The following TOX variants were observed in gnomAD, a reference collection of about 807,000 sequenced individuals.
The protein encoded by TOX is thymocyte selection associated high mobility group box, also known as thymocyte selection-associated high mobility group box protein TOX.
In TOX, 11 loss-of-function variants were observed where a neutral mutation model predicts 53.7. That is an observed-to-expected ratio of 0.20 (90% confidence interval 0.13 to 0.34). The LOEUF is 0.34. TOX is among the 10% of genes least tolerant of loss of function. TOX has a pLI of 1.00. For synonymous variants in TOX, 225 were observed against 245.3 expected, an observed-to-expected ratio of 0.92 and a Z score of 0.77; for missense variants, 570 against 664.6, an observed-to-expected ratio of 0.86 and a Z score of 1.56.
At chr8:58,813,955 A>G (rs1483921909) in intron 7 of TOX, among the ~76,000 whole-genome samples, 1 of 152,134 alleles carries the variant, frequency 6.6e-6, no homozygotes, top group Non-Finnish European at 1.5e-5. Context: ...TGAGTTTTGA[A>G]CAGACCTGGG....
At chr8:58,954,618 G>A (rs56073120) in intron 2 of TOX, among the ~76,000 whole-genome samples, 45,537 of 152,020 alleles carry the variant, frequency 0.3, 7,192 homozygotes, top group East Asian at 0.4. Context: ...GCAAAGATGA[G>A]GAAAAGGAAA....
At chr8:59,076,973 A>G (rs993997582) in intron 1 of TOX, among the ~76,000 whole-genome samples, 1 of 152,242 alleles carries the variant, frequency 6.6e-6, no homozygotes, top group African/African-American at 2.4e-5. Context: ...CTTATTGCAT[A>G]TTATAATTGA....
chr8:58,855,840 T>C (rs1810904363), intron 3 of TOX, among the ~76,000 whole-genome samples: 1 of 152,220 alleles, frequency 6.6e-6, no homozygotes, highest in Admixed American at 6.5e-5. Flanking sequence ...TCTCCCTTAA[T>C]CATGCGTCTT....
rs35347981 is a variant in TOX, at chr8:58,838,699, C to CTTTTTTTTTTTTTTTTTTTTTTT, written c.694-389_694-388insAAAAAAAAAAAAAAAAAAAAAAA. 4.3e-3 allele frequency among the ~76,000 whole-genome samples: 379 copies of CTTTTTTTTTTTTTTTTTTTTTTT among 88,862 alleles called. 41 individuals are homozygous for CTTTTTTTTTTTTTTTTTTTTTTT. The highest frequency in any genetic ancestry group is 8.6e-3 in the African/African-American group (143 of 16,720). 58.3% of individuals were successfully genotyped at this position (88,862 alleles called of 152,430 possible). On this transcript the variant is annotated intron_variant, in intron 4 of 8. Coordinates refer to ENST00000361421, the MANE Select transcript of TOX (RefSeq NM_014729.3). ...TTTCTTCTAAGGAAGTTATCCTTGT[C>CTTTTTTTTTTTTTTTTTTTTTTT]TTTTTTTTTTTTTTTTTTTTTGAGA...
At chr8:59,083,244 T>G (rs1025692939) in intron 1 of TOX, among the ~76,000 whole-genome samples, 3 of 152,370 alleles carry the variant, frequency 2.0e-5, no homozygotes, top group Admixed American at 2.0e-4. Context: ...ATTTTTCATC[T>G]TGGAACCTAC....
intron 6 of TOX, 104 bp downstream of exon 6, chr8:58,826,703 TTTCCAACAAAGAAGA>T: frequency 3.5e-6 from 3 of 863,176 alleles, no homozygotes; most frequent in Non-Finnish European, 5.0e-6. Flanking sequence ...TTTACTTTTT[TTTCCAACAAAGAAGA>T]TTGTGCAGAA....
chr8:58,971,287 G>A (rs562484139), intron 1 of TOX, among the ~76,000 whole-genome samples: 4 of 152,342 alleles, frequency 2.6e-5, no homozygotes, highest in South Asian at 4.1e-4. Context: ...CCCACATGGC[G>A]TGTGGGAAAT....
At chr8:58,823,573 T>C (rs1274148482) in intron 6 of TOX, among the ~76,000 whole-genome samples, 2 of 152,204 alleles carry the variant, frequency 1.3e-5, no homozygotes, top group Admixed American at 6.5e-5. Flanking sequence ...GCATTGTCAA[T>C]CCTGTGACTC....
At chr8:58,930,005 G>A (rs1812234010) in intron 3 of TOX, among the ~76,000 whole-genome samples, 1 of 152,144 alleles carries the variant, frequency 6.6e-6, no homozygotes, top group South Asian at 2.1e-4. Flanking sequence ...TTTAATAGTG[G>A]AATAGGTTAG....
At chr8:59,003,298 T>C (rs1379616840) in intron 1 of TOX, among the ~76,000 whole-genome samples, 4 of 152,250 alleles carry the variant, frequency 2.6e-5, no homozygotes, top group African/African-American at 9.6e-5. Context: ...GTTATATTCA[T>C]TGAAATGTTT....
intron 1 of TOX, among the ~76,000 whole-genome samples, chr8:58,994,389 CAA>C (rs1813514765): frequency 1.8e-5 from 2 of 112,938 alleles, no homozygotes; most frequent in African/African-American, 6.3e-5. Flanking sequence ...TTCAAAATGC[CAA>C]GTGTGTGTGT....
In TOX at chr8:59,118,897, A is replaced by G. The variant is rs1805157857; in HGVS notation, c.91T>C (p.Tyr31His). The G allele has an allele frequency of 6.3e-7, 1 of 1,590,716 alleles. No individual in the cohort carries two copies. Among genetic ancestry groups the G allele is most frequent in the African/African-American group, 1.4e-5 (1 of 72,446 alleles). ...AGCAGAGCGTTCACCTTGTTGCAATAGTAGGGGTCCAGGCAGGGAGAAGGT... is the reference window on the plus strand; with the variant it reads ...AGCAGAGCGTTCACCTTGTTGCAATGGTAGGGGTCCAGGCAGGGAGAAGGT... ...LGPSPCLDPY[Y>H]CNKFDGENMY... Residue 31 changes from tyrosine (Y) to histidine (H), a missense_variant, in exon 1 of 9, where the codon TAT (tyrosine) becomes CAT (histidine). Around this residue, in one of 3 missense-constraint regions of TOX, gnomAD observed 282 missense variants for 315.0 expected, o/e 0.90. Coordinates refer to ENST00000361421, the MANE Select transcript of TOX (RefSeq NM_014729.3). The surrounding 1 kb of genome is among the most constrained non-coding windows in gnomAD (Gnocchi z 4.1).
intron 1 of TOX, among the ~76,000 whole-genome samples, chr8:58,972,324 G>A (rs1018305142): frequency 6.6e-6 from 1 of 152,116 alleles, no homozygotes; most frequent in Non-Finnish European, 1.5e-5. Context: ...ACTGCAGGAG[G>A]AGTTTTCTGA....
At chr8:58,998,605 G>A (rs867763760) in intron 1 of TOX, among the ~76,000 whole-genome samples, 8 of 32,326 alleles carry the variant, frequency 2.5e-4, no homozygotes, top group Admixed American at 1.0e-3. Context: ...ATAAATTTAT[G>A]TAATAAATTT....
rs147419615 is a variant in TOX at position 58,977,741 on chromosome 8, G to A, written c.103-17733C>T. On this transcript the variant is annotated intron_variant, in intron 1 of 8. Coordinates refer to ENST00000361421, the MANE Select transcript of TOX (RefSeq NM_014729.3). ...AGGTCTGAGGAGAGGGGGAAAAATA[G>A]GAGAGCGGCCAGTCAGTGCAGTGGT... Among the ~76,000 whole-genome samples the A allele has an allele frequency of 5.3e-5, 8 of 152,290 alleles. 1 individual carries two copies. Among genetic ancestry groups the A allele is most frequent in the African/African-American group, 1.4e-4 (6 of 41,580 alleles).
At chr8:58,983,701 C>A (rs1346457467) in intron 1 of TOX, among the ~76,000 whole-genome samples, 1 of 152,194 alleles carries the variant, frequency 6.6e-6, no homozygotes, top group Non-Finnish European at 1.5e-5. Flanking sequence ...TATTCTCACT[C>A]CAGTGTATGT....
chr8:59,065,959 A>G (rs1804085911), intron 1 of TOX, among the ~76,000 whole-genome samples: 1 of 152,226 alleles, frequency 6.6e-6, no homozygotes. Flanking sequence ...AGAGCAAAAC[A>G]ACAAACCCAA....
In TOX at chr8:59,118,769, C is replaced by A; in HGVS notation, c.102+117G>T. The A allele has an allele frequency of 1.7e-6, 1 of 573,306 alleles. No individual in the cohort carries two copies. The highest frequency in any genetic ancestry group is 2.8e-6 in the Non-Finnish European group (1 of 357,804). The allele number at this position is 573,306 out of a possible 1,614,324, so 35.5% of individuals were successfully genotyped here. On this transcript the variant is annotated intron_variant, in intron 1 of 8. Coordinates refer to ENST00000361421, the MANE Select transcript of TOX (RefSeq NM_014729.3). The surrounding 1 kb of genome is among the most constrained non-coding windows in gnomAD (Gnocchi z 4.1). The stretch of plus-strand genomic sequence containing the variant: ...CACGCAGGCTGCAGCGGGCTGCGAG[C>A]CGAGCGCGCCCGGGACCGGCCTCCG...
chr8:59,066,059 C>T (rs780259327), intron 1 of TOX, among the ~76,000 whole-genome samples: 5 of 152,208 alleles, frequency 3.3e-5, no homozygotes, highest in African/African-American at 4.8e-5. Flanking sequence ...CAGGAAAAAA[C>T]GAGGAGCATT....
Sources: allele counts gnomAD v4.1 joint callset (sites outside exome capture counted in the v4.1 genomes callset), GRCh38; gene constraint gnomAD v4.1.1; regional missense constraint gnomAD v4.1.1; non-coding constraint Gnocchi (gnomAD v3.1); transcripts MANE v1.5; gene names NCBI Gene and HGNC (gene_info 2026-07-23, HGNC 2026-07-21).